Variants in MITF observed in about 807,000 individuals in gnomAD.
MITF encodes the protein microphthalmia-associated transcription factor.
Under a neutral mutation model 60.5 loss-of-function variants are expected in MITF, and 17 were observed. The observed-to-expected ratio is 0.28, with a 90% CI of 0.19 to 0.42. The LOEUF (loss-of-function observed/expected upper bound fraction) is 0.42. Among genes scored for constraint, MITF ranks in the 10% least tolerant of loss-of-function variants. The pLI is 1.00. For synonymous variants in MITF, 260 were observed against 248.5 expected (o/e 1.05, Z -0.43); for missense variants, 622 against 683.5 (o/e 0.91, Z 1.00).
chr3:69,748,213 T>C (rs1395186839), intron 1 of MITF, among the ~76,000 whole-genome samples: 2 of 152,230 alleles, frequency 1.3e-5, no homozygotes, highest in Non-Finnish European at 2.9e-5. Flanking sequence ...TGTTCTTTGA[T>C]TCAAGTACCC....
At chr3:69,889,887 C>G (rs1368834389) in intron 2 of MITF, among the ~76,000 whole-genome samples, 1 of 152,108 alleles carries the variant, frequency 6.6e-6, no homozygotes, top group African/African-American at 2.4e-5. Flanking sequence ...CAGTGCTCAG[C>G]AGCCACACGT....
intron 1 of MITF, among the ~76,000 whole-genome samples, chr3:69,768,846 G>A (rs1045634103): frequency 5.3e-5 from 8 of 152,188 alleles, no homozygotes; most frequent in Non-Finnish European, 1.0e-4. Flanking sequence ...GGAAGCCATT[G>A]TAAGTTCAAG....
At chr3:69,803,922 C>G (rs996188415) in intron 1 of MITF, among the ~76,000 whole-genome samples, 22 of 151,596 alleles carry the variant, frequency 1.5e-4, no homozygotes, top group Non-Finnish European at 1.0e-4. Context: ...AGTGTATAGT[C>G]ACCGCAAATT....
chr3:69,887,894 T>C (rs1426941461), intron 2 of MITF, among the ~76,000 whole-genome samples: 2 of 152,022 alleles, frequency 1.3e-5, no homozygotes, highest in Non-Finnish European at 2.9e-5. Flanking sequence ...CCACAACTTT[T>C]TGAGGAGCAC....
chr3:69,877,015 A>G (rs1282751706), intron 1 of MITF, among the ~76,000 whole-genome samples: 1 of 152,186 alleles, frequency 6.6e-6, no homozygotes, highest in African/African-American at 2.4e-5. Context: ...ATTCCCTACT[A>G]ATCATTTTGC....
At chr3:69,813,123 G>T (rs1479410264) in intron 1 of MITF, among the ~76,000 whole-genome samples, 1 of 152,114 alleles carries the variant, frequency 6.6e-6, no homozygotes, top group Non-Finnish European at 1.5e-5. Flanking sequence ...AATTGGCCTG[G>T]CAGTGAACAG....
chr3:69,892,037 T>A (rs1345031205), intron 2 of MITF, among the ~76,000 whole-genome samples: 5 of 152,234 alleles, frequency 3.3e-5, no homozygotes, highest in African/African-American at 1.2e-4. Context: ...AATCCATTTG[T>A]CCACAAATAT....
intron 2 of MITF, among the ~76,000 whole-genome samples, chr3:69,884,743 T>C (rs1042264458): frequency 6.6e-6 from 1 of 152,320 alleles, no homozygotes; most frequent in East Asian, 1.9e-4. Context: ...TAAGTGCTTT[T>C]GGATTCATGT....
At chr3:69,856,752 T>G (rs558344971) in intron 1 of MITF, among the ~76,000 whole-genome samples, 1 of 152,294 alleles carries the variant, frequency 6.6e-6, no homozygotes, top group South Asian at 2.1e-4. Flanking sequence ...AAGTATAAAT[T>G]GTGTTGATAT....
intron 1 of MITF, among the ~76,000 whole-genome samples, chr3:69,832,340 A>C (rs1452002689): frequency 6.6e-6 from 1 of 152,162 alleles, no homozygotes; most frequent in Non-Finnish European, 1.5e-5. Context: ...ATACGAAGTG[A>C]AGGAGGCATT....
At chr3:69,801,832 G>C (rs1303711150) in intron 1 of MITF, among the ~76,000 whole-genome samples, 1 of 152,102 alleles carries the variant, frequency 6.6e-6, no homozygotes, top group East Asian at 1.9e-4. Context: ...ACTTCAATTT[G>C]AATTTTGGCT....
At chr3:69,775,788 CTT>C (rs982873992) in intron 1 of MITF, among the ~76,000 whole-genome samples, 6 of 152,198 alleles carry the variant, frequency 3.9e-5, no homozygotes, top group Admixed American at 3.9e-4. Flanking sequence ...GACTGGGACT[CTT>C]TGTAGAAGAA....
chr3:69,789,925 A>C (rs1451697530), intron 1 of MITF, among the ~76,000 whole-genome samples: 1 of 152,140 alleles, frequency 6.6e-6, no homozygotes, highest in African/African-American at 2.4e-5. Flanking sequence ...ATATATATAT[A>C]TATATCCAAA....
At chr3:69,827,996 G>A (rs2063384178) in intron 1 of MITF, among the ~76,000 whole-genome samples, 1 of 152,178 alleles carries the variant, frequency 6.6e-6, no homozygotes, top group Non-Finnish European at 1.5e-5. Flanking sequence ...AGTAAGAGTT[G>A]ACTTCTGCGT....
At chr3:69,868,744 C>T (rs556473261) in intron 1 of MITF, among the ~76,000 whole-genome samples, 2 of 151,824 alleles carry the variant, frequency 1.3e-5, no homozygotes, top group Non-Finnish European at 2.9e-5. Context: ...ACTAAAAATA[C>T]AAAAATTAGC....
intron 2 of MITF, among the ~76,000 whole-genome samples, chr3:69,920,146 G>A (rs79459383): frequency 0.016 from 2,379 of 152,322 alleles, 29 homozygotes; most frequent in Middle Eastern, 0.051. Context: ...GAAGACAAGA[G>A]TGCGAGCCTT....
intron 1 of MITF, 82 bp from the exon 2 acceptor site, chr3:69,879,052 T>G: frequency 9.1e-7 from 1 of 1,100,608 alleles, no homozygotes; most frequent in Non-Finnish European, 1.4e-6. Flanking sequence ...TATAGTTTGG[T>G]GCAATTTAGG....
At chr3:69,832,308 C>T (rs2107102763) in intron 1 of MITF, among the ~76,000 whole-genome samples, 1 of 152,278 alleles carries the variant, frequency 6.6e-6, no homozygotes, top group African/African-American at 2.4e-5. Context: ...CTGGGTGAGG[C>T]CAAAGAGGCC....
At chr3:69,797,878 A>C (rs1018114970) in intron 1 of MITF, among the ~76,000 whole-genome samples, 21 of 152,220 alleles carry the variant, frequency 1.4e-4, no homozygotes, top group Non-Finnish European at 2.4e-4. Context: ...GATTACAATA[A>C]AAATATAAAT....
Sources: gnomAD v4.1 joint callset for allele counts (sites outside exome capture counted in the v4.1 genomes callset) on GRCh38, gnomAD v4.1.1 for gene constraint, MANE v1.5 for transcripts, NCBI Gene and HGNC (gene_info 2026-07-23, HGNC 2026-07-21) for gene names.